CSTPP1: variants seen among roughly 807,000 people sequenced by gnomAD.
CSTPP1 encodes the protein UPF0705 protein C11orf49.
At chr11:47,138,979 CAAAAAAAAAAAAA>C in the CSTPP1 span, among the ~76,000 whole-genome samples, 238 of 40,922 alleles carry the variant, frequency 5.8e-3, no homozygotes, top group African/African-American at 0.017. Flanking sequence ...GACTCCGTCT[CAAAAAAAAAAAAA>C]AAAAAAAAAA....
the CSTPP1 span, among the ~76,000 whole-genome samples, chr11:47,015,580 G>A: frequency 1.3e-5 from 2 of 151,422 alleles, no homozygotes; most frequent in African/African-American, 4.9e-5. Context: ...AAGCATATTA[G>A]GAAGAAAGAA....
At chr11:47,125,838 A>G in the CSTPP1 span, among the ~76,000 whole-genome samples, 50,731 of 151,914 alleles carry the variant, frequency 0.33, 8,992 homozygotes, top group East Asian at 0.71. Context: ...CTAAGATGGC[A>G]AAACCCCGTC....
the CSTPP1 span, among the ~76,000 whole-genome samples, chr11:46,980,588 G>A: frequency 6.6e-6 from 1 of 151,986 alleles, no homozygotes; most frequent in African/African-American, 2.4e-5. Flanking sequence ...AGTAGAGAAG[G>A]CCTTTTTGAA....
chr11:47,060,915 G>GT, the CSTPP1 span, among the ~76,000 whole-genome samples: 3 of 152,292 alleles, frequency 2.0e-5, no homozygotes, highest in African/African-American at 7.2e-5. Flanking sequence ...GCATAGACCC[G>GT]TTAGGAGACT....
the CSTPP1 span, chr11:47,137,499 T>G: frequency 6.6e-7 from 1 of 1,510,242 alleles, no homozygotes. Context: ...CACCTGGAGG[T>G]TAGAGACTAG....
the CSTPP1 span, among the ~76,000 whole-genome samples, chr11:47,031,858 A>G: frequency 6.6e-6 from 1 of 152,192 alleles, no homozygotes; most frequent in Non-Finnish European, 1.5e-5. Context: ...AGGTCCCACA[A>G]TAGGCCATCT....
At chr11:47,022,331 T>C in the CSTPP1 span, among the ~76,000 whole-genome samples, 1 of 148,398 alleles carries the variant, frequency 6.7e-6, no homozygotes. Flanking sequence ...TTCTTCATAC[T>C]ATTTTCTTTC....
chr11:47,015,915 A>T, the CSTPP1 span, among the ~76,000 whole-genome samples: 3 of 152,202 alleles, frequency 2.0e-5, no homozygotes, highest in African/African-American at 7.2e-5. Flanking sequence ...TAAATAGAGA[A>T]AAAGCATTTT....
chr11:47,127,683 C>T, the CSTPP1 span, among the ~76,000 whole-genome samples: 1 of 151,764 alleles, frequency 6.6e-6, no homozygotes, highest in Non-Finnish European at 1.5e-5. Context: ...CTTAATTTAC[C>T]ATCTCTTCCT....
At chr11:47,060,258 CTTTT>C in the CSTPP1 span, among the ~76,000 whole-genome samples, 1 of 99,032 alleles carries the variant, frequency 1.0e-5, no homozygotes, top group Non-Finnish European at 1.9e-5. Context: ...CTTTTCTTTT[CTTTT>C]TTTTTTTTTT....
the CSTPP1 span, among the ~76,000 whole-genome samples, chr11:46,997,353 C>T: frequency 6.6e-6 from 1 of 152,196 alleles, no homozygotes; most frequent in African/African-American, 2.4e-5. Context: ...AAATCGGCTA[C>T]TGAAGCTTGT....
At chr11:47,153,038 G>C in the CSTPP1 span, among the ~76,000 whole-genome samples, 1 of 152,174 alleles carries the variant, frequency 6.6e-6, no homozygotes, top group African/African-American at 2.4e-5. Flanking sequence ...CGCTCCCGGG[G>C]GAGCTCACTC....
At chr11:47,049,962 C>G in the CSTPP1 span, among the ~76,000 whole-genome samples, 50 of 151,478 alleles carry the variant, frequency 3.3e-4, no homozygotes, top group African/African-American at 1.1e-3. Context: ...AATAAGATAT[C>G]AGGTCAGAAA....
At chr11:47,086,232 TCCA>T in the CSTPP1 span, among the ~76,000 whole-genome samples, 587 of 31,732 alleles carry the variant, frequency 0.018, 18 homozygotes, top group African/African-American at 0.06. Context: ...CTACTAAAAA[TCCA>T]AAAAAAAAAA....
the CSTPP1 span, among the ~76,000 whole-genome samples, chr11:47,093,080 G>C: frequency 6.6e-6 from 1 of 152,174 alleles, no homozygotes; most frequent in African/African-American, 2.4e-5. Flanking sequence ...CTAATCTGTT[G>C]TTGTTTGTGT....
the CSTPP1 span, among the ~76,000 whole-genome samples, chr11:47,118,224 C>T: frequency 6.6e-6 from 1 of 152,144 alleles, no homozygotes; most frequent in East Asian, 1.9e-4. Flanking sequence ...GACACCCTTT[C>T]TTCCACTTGA....
At chr11:47,067,100 G>C in the CSTPP1 span, among the ~76,000 whole-genome samples, 1 of 152,132 alleles carries the variant, frequency 6.6e-6, no homozygotes, top group Non-Finnish European at 1.5e-5. Flanking sequence ...AAAAAATTGA[G>C]ATTCATACAG....
At chr11:47,086,813 G>T in the CSTPP1 span, among the ~76,000 whole-genome samples, 20 of 152,148 alleles carry the variant, frequency 1.3e-4, no homozygotes, top group Non-Finnish European at 2.2e-4. Context: ...TGTGAAGGGG[G>T]TGAATGATGG....
At chr11:47,038,314 T>C in the CSTPP1 span, among the ~76,000 whole-genome samples, 3 of 87,438 alleles carry the variant, frequency 3.4e-5, no homozygotes, top group African/African-American at 6.9e-5. Flanking sequence ...ACGGGGCGGC[T>C]GGCCGGGCGG....
Sources: gnomAD v4.1 joint callset for allele counts (sites outside exome capture counted in the v4.1 genomes callset) on GRCh38, gnomAD v4.1.1 for gene constraint, MANE v1.5 for transcripts, NCBI Gene and HGNC (gene_info 2026-07-23, HGNC 2026-07-21) for gene names.